The following PPP1R12C variants were observed in gnomAD, a reference collection of about 807,000 sequenced individuals.
PPP1R12C encodes leukocyte receptor cluster (LRC) encoded novel gene 3.
Under a neutral mutation model 95.6 loss-of-function variants are expected in PPP1R12C, and 48 were observed. The ratio of observed to expected loss-of-function variants is 0.50; its 90% CI spans 0.40 to 0.64. PPP1R12C has a LOEUF of 0.64. Among genes scored for constraint, PPP1R12C ranks in the 30% least tolerant of loss-of-function variants. The pLI is 0.00. For synonymous variants in PPP1R12C, 480 were observed against 460.8 expected (o/e 1.04, Z -0.53); for missense variants, 1,057 against 1,083.3 (o/e 0.98, Z 0.34).
At chr19:55,112,427 G>A in intron 3 of PPP1R12C, 40 bp downstream of exon 3, 6 of 1,546,508 alleles carry the variant, frequency 3.9e-6, no homozygotes, top group Non-Finnish European at 5.2e-6. Context: ...CACGGGTGAG[G>A]AGGTGTCCCC....
Position 55,113,482 on chromosome 19 carries a change from G to A in PPP1R12C, c.322-687C>T, listed in dbSNP as rs560008281. On this transcript the variant is annotated intron_variant, in intron 1 of 21. Transcript: ENST00000263433. ...CAGCCAGGGGCTGACACGGGCCACCGTTTCTCATTCTTCCCTTAGGGGTCC... is the reference window on the plus strand; with the variant it reads ...CAGCCAGGGGCTGACACGGGCCACCATTTCTCATTCTTCCCTTAGGGGTCC... 58 of 1,467,104 alleles carry A rather than the reference G, an allele frequency of 4.0e-5. No homozygotes were observed. In the Admixed American group the frequency reaches 4.7e-4, roughly 12 times the overall value. The allele number at this position is 1,467,104 out of a possible 1,614,324, so 90.9% of individuals were successfully genotyped here.
chr19:55,096,103 C>T lies in PPP1R12C; in HGVS notation c.1101G>A (p.Gly367=), dbSNP rs1283014010. ...CGTCCTGGATGGGGGGCCCCCCAGC[C>T]CCACCAGGCCGGCGCTCCTTGGACA... ...QDLSKERRPG[G]AGGPPIQDED... is the part of the protein sequence containing the mutation. The change falls in exon 8 of 22, where the codon GGG becomes GGA. Residue 367 remains glycine, a synonymous_variant. Coordinates refer to ENST00000263433, the MANE Select transcript of PPP1R12C (RefSeq NM_017607.4). The T allele has an allele frequency of 1.3e-6, 2 of 1,599,974 alleles. No individual in the cohort carries two copies. Among genetic ancestry groups the T allele is most frequent in the African/African-American group, 1.3e-5 (1 of 74,236 alleles).
intron 1 of PPP1R12C, chr19:55,113,757 C>T (rs1315251082): frequency 1.0e-5 from 4 of 385,656 alleles, no homozygotes; most frequent in African/African-American, 2.1e-5. Flanking sequence ...GTGAAGGGGC[C>T]GCACGTGCCC....
Position 55,095,426 on chromosome 19 carries a change from C to A in PPP1R12C, c.1386+19G>T, listed in dbSNP as rs374789762. On this transcript the variant is annotated intron_variant, in intron 10 of 21. Coordinates refer to ENST00000263433, the MANE Select transcript of PPP1R12C (RefSeq NM_017607.4). ...CTGGGCAGGGGCCTGGGCCTGGACC[C>A]GGCCCAACCCTCACTCACCTGAGTG... The A allele has an allele frequency of 1.3e-6, 2 of 1,560,492 alleles. No homozygotes were observed. Among genetic ancestry groups the A allele is most frequent in the East Asian group, 2.4e-5 (1 of 41,536 alleles).
chr19:55,108,753 C>A (rs1373937094), intron 3 of PPP1R12C, among the ~76,000 whole-genome samples: 1 of 152,220 alleles, frequency 6.6e-6, no homozygotes, highest in African/African-American at 2.4e-5. Context: ...GTTGCTCAGG[C>A]TAGAGTGCAG....
At position 55,094,441 on chromosome 19, in the gene PPP1R12C, G is replaced by A. The variant is rs745378126; in HGVS notation, c.1593-6C>T. ...GCACAGGCATCTGGTAGGACCTGAGGGAAGGGTCCCAACCTCAGACAGGGA... is the reference window on the plus strand; with the variant it reads ...GCACAGGCATCTGGTAGGACCTGAGAGAAGGGTCCCAACCTCAGACAGGGA... On this transcript the variant is annotated splice_region_variant and splice_polypyrimidine_tract_variant and intron_variant, in intron 12 of 21. Transcript: ENST00000263433. 6 of 1,613,672 alleles carry A rather than the reference G, an allele frequency of 3.7e-6. No homozygotes were observed. Among genetic ancestry groups the A allele is most frequent in the Admixed American group, 1.7e-5 (1 of 60,016 alleles).
chr19:55,096,220 C>T, intron 7 of PPP1R12C, 42 bp from the exon 8 acceptor site: 4 of 1,613,336 alleles, frequency 2.5e-6, no homozygotes, highest in Admixed American at 1.7e-5. Flanking sequence ...AGCCCGGGGC[C>T]TCCAGCCACC....
chr19:55,106,748 G>A (rs1043487986), intron 3 of PPP1R12C, among the ~76,000 whole-genome samples: 14 of 152,160 alleles, frequency 9.2e-5, no homozygotes, highest in African/African-American at 3.4e-4. Context: ...ACCTCATCTT[G>A]ACTTTCCTCA....
At chr19:55,106,300 T>C (rs1392199498) in intron 3 of PPP1R12C, among the ~76,000 whole-genome samples, 2 of 152,224 alleles carry the variant, frequency 1.3e-5, no homozygotes, top group Non-Finnish European at 1.5e-5. Flanking sequence ...AATACTATGA[T>C]GAACATCTGC....
chr19:55,104,256 A>G (rs2085012915), intron 3 of PPP1R12C, among the ~76,000 whole-genome samples: 1 of 146,210 alleles, frequency 6.8e-6, no homozygotes, highest in African/African-American at 2.5e-5. Flanking sequence ...TATATAATAT[A>G]TATATAACAT....
At chr19:55,116,567 A>C (rs2085156035) in intron 1 of PPP1R12C, among the ~76,000 whole-genome samples, 2 of 152,204 alleles carry the variant, frequency 1.3e-5, no homozygotes. Flanking sequence ...GGTCAGAGAA[A>C]GCAGGACCTG....
chr19:55,102,102 G>A (rs1025438588), intron 4 of PPP1R12C, among the ~76,000 whole-genome samples: 1 of 152,210 alleles, frequency 6.6e-6, no homozygotes, highest in South Asian at 2.1e-4. Context: ...GGAGCCTGAG[G>A]ATGAGAACTG....
intron 6 of PPP1R12C, among the ~76,000 whole-genome samples, chr19:55,097,440 G>A (rs111887774): frequency 1.4e-3 from 93 of 64,396 alleles, no homozygotes; most frequent in African/African-American, 5.6e-3. Flanking sequence ...CACCGTCTTC[G>A]CCCCTTCTCC....
At chr19:55,092,170 C>A in intron 19 of PPP1R12C, 52 bp downstream of exon 19, 1 of 1,480,126 alleles carries the variant, frequency 6.8e-7, no homozygotes, top group East Asian at 2.5e-5. Flanking sequence ...CAGTCTAAGC[C>A]CCACCCAGGC....
At position 55,096,064 on chromosome 19, in the gene PPP1R12C, T is replaced by C; in HGVS notation, c.1140A>G (p.Glu380=). Residue 380 remains glutamate (E), a synonymous_variant, in exon 8 of 22, where the codon GAA becomes GAG. Coordinates refer to ENST00000263433, the MANE Select transcript of PPP1R12C (RefSeq NM_017607.4). ...CAGGCCCCTCACCGGTGGGACCTTC[T>C]TCCCCCTCATCCTCGTCCTGGATGG... ...GPPIQDEDEG[E]EGPTEPPPAE... The C allele has an allele frequency of 1.9e-6, 3 of 1,609,944 alleles. No individual in the cohort carries two copies. The highest frequency in any genetic ancestry group is 2.5e-6 in the Non-Finnish European group (3 of 1,179,008).
At chr19:55,113,042 T>C (rs921851103) in intron 1 of PPP1R12C, 9 of 582,730 alleles carry the variant, frequency 1.5e-5, no homozygotes, top group Non-Finnish European at 2.4e-5. Flanking sequence ...AAACAGGAAG[T>C]GAACGGGGAA....
At chr19:55,115,630 T>A (rs1386770181) in intron 1 of PPP1R12C, 1 of 151,284 alleles carries the variant, frequency 6.6e-6, no homozygotes, top group Admixed American at 6.6e-5. Flanking sequence ...AGGAGAGAGA[T>A]GGCTCCAGGA....
chr19:55,112,079 A>C, intron 3 of PPP1R12C: 2 of 178,702 alleles, frequency 1.1e-5, no homozygotes, highest in Non-Finnish European at 2.4e-5. Context: ...CAACCCCTGC[A>C]TGCCCCTACT....
Position 55,095,591 on chromosome 19 carries a change from C to T in PPP1R12C, c.1240G>A (p.Ala414Thr). Residue 414 changes from alanine (A) to threonine (T), a missense_variant, in exon 10 of 22, where the codon GCC (alanine) becomes ACC (threonine). Coordinates refer to ENST00000263433, the MANE Select transcript of PPP1R12C (RefSeq NM_017607.4). ...AGGCCAAAGCGCCTGGAGAAGGGGG[C>T]CTCTTCAAGCTGCTGGGAGAAGGAG... The part of the protein sequence containing the change: ...SPKSPVQLEE[A>T]PFSRRFGLLK... 6.4e-7 allele frequency: 1 copy of T among 1,565,574 alleles called. No homozygotes were observed. The highest frequency in any genetic ancestry group is 8.6e-7 in the Non-Finnish European group (1 of 1,160,166).
Sources: gnomAD v4.1 joint callset for allele counts (sites outside exome capture counted in the v4.1 genomes callset) on GRCh38, gnomAD v4.1.1 for gene constraint, MANE v1.5 for transcripts, NCBI Gene and HGNC (gene_info 2026-07-23, HGNC 2026-07-21) for gene names.